Variants in A1CF observed in about 807,000 individuals in gnomAD.
A1CF encodes APOBEC1 complementation factor, also known as APOBEC-1 stimulating protein.
A1CF carries 48 observed loss-of-function variants against 68.9 expected under a neutral mutation model. That is an observed-to-expected ratio of 0.70 (90% CI 0.55 to 0.89). The LOEUF (loss-of-function observed/expected upper bound fraction) is 0.89. A1CF is among the 40% of genes least tolerant of loss of function. The pLI is 0.00. For synonymous variants in A1CF, 272 were observed against 260.4 expected (o/e 1.04, Z -0.43); for missense variants, 653 against 718.9 (o/e 0.91, Z 1.05).
chr10:50,820,723 G>T, intron 7 of A1CF, 74 bp from the exon 8 acceptor site: 1 of 1,223,872 alleles, frequency 8.2e-7, no homozygotes, highest in Non-Finnish European at 1.2e-6. Context: ...TTAGCATCTA[G>T]CTGCAAAGAG....
rs559064998 is a variant in A1CF, at chr10:50,822,105, T to A, written c.770-1456A>T. Among the ~76,000 whole-genome samples, 49 of 152,344 alleles carry A rather than the reference T, an allele frequency of 3.2e-4. No homozygotes were observed. The East Asian group carries it at 8.5e-3, about 26-fold the overall frequency. ...ATTTGCAAAGTTTATTTATATTATT[T>A]GTGTAGAAAACCCAAACAAACCAAC... On this transcript the variant is annotated intron_variant, in intron 7 of 12. Coordinates refer to ENST00000373997, the MANE Select transcript of A1CF (RefSeq NM_014576.4).
intron 1 of A1CF, among the ~76,000 whole-genome samples, chr10:50,876,207 G>C (rs188343173): frequency 1.9e-4 from 29 of 152,330 alleles, no homozygotes; most frequent in African/African-American, 6.3e-4. Context: ...CATATGTGCA[G>C]ACATGAATAC....
chr10:50,857,049 T>G (rs1304840897), intron 3 of A1CF, among the ~76,000 whole-genome samples: 1 of 152,164 alleles, frequency 6.6e-6, no homozygotes, highest in East Asian at 1.9e-4. Context: ...AAAAATTATT[T>G]GAAAGGTTTC....
chr10:50,809,547 C>T (rs1311050064), intron 12 of A1CF, among the ~76,000 whole-genome samples: 1 of 152,060 alleles, frequency 6.6e-6, no homozygotes, highest in Non-Finnish European at 1.5e-5. Flanking sequence ...GAGTGCCTAG[C>T]ACACAGTAAG....
intron 1 of A1CF, among the ~76,000 whole-genome samples, chr10:50,867,441 A>G (rs1841044965): frequency 6.6e-6 from 1 of 152,218 alleles, no homozygotes; most frequent in African/African-American, 2.4e-5. Context: ...TCAGACACAG[A>G]AAAACAAATC....
At chr10:50,875,035 C>T (rs1841444666) in intron 1 of A1CF, among the ~76,000 whole-genome samples, 1 of 152,154 alleles carries the variant, frequency 6.6e-6, no homozygotes, top group African/African-American at 2.4e-5. Context: ...CTAATTTACA[C>T]ACGTGACAGG....
chr10:50,874,336 A>G (rs1039847094), intron 1 of A1CF, among the ~76,000 whole-genome samples: 1 of 152,246 alleles, frequency 6.6e-6, no homozygotes, highest in Non-Finnish European at 1.5e-5. Flanking sequence ...ATAGAAACAC[A>G]TCTTCCTTTT....
intron 12 of A1CF, 86 bp from the exon 13 acceptor site, chr10:50,806,966 C>T (rs1837862469): frequency 8.1e-6 from 11 of 1,358,030 alleles, no homozygotes; most frequent in Non-Finnish European, 1.1e-5. Context: ...GAAATACGAA[C>T]ATTTAACATA....
chr10:50,814,072 T>C, intron 9 of A1CF, 34 bp from the exon 10 acceptor site: 1 of 1,610,898 alleles, frequency 6.2e-7, no homozygotes, highest in Non-Finnish European at 8.5e-7. Flanking sequence ...TCTAGGAACG[T>C]AAGAAGGCAT....
chr10:50,818,061 C>A (rs535756534), intron 8 of A1CF, among the ~76,000 whole-genome samples: 1 of 152,254 alleles, frequency 6.6e-6, no homozygotes, highest in African/African-American at 2.4e-5. Context: ...TTCACCCCAT[C>A]TCCAATCAGT....
intron 3 of A1CF, among the ~76,000 whole-genome samples, chr10:50,847,151 C>G (rs1473384318): frequency 2.6e-5 from 4 of 152,182 alleles, no homozygotes; most frequent in Non-Finnish European, 2.9e-5. Flanking sequence ...TTCTCCCCAG[C>G]AGCACAAATG....
rs1225594066 is a variant in A1CF, at chr10:50,800,825, G to A, written c.*5904C>T. On this transcript the variant is annotated 3_prime_UTR_variant, in exon 13 of 13. Transcript: ENST00000373997. ...ATGTGAGGATTTTTCGTGAAGAATG[G>A]TTGATGAACAATCATAATGATGAAA... is the stretch of plus-strand genomic sequence containing the variant. The A allele has an allele frequency of 6.6e-6, 1 of 152,138 alleles. No individual in the cohort carries two copies. The highest frequency in any genetic ancestry group is 1.5e-5 in the Non-Finnish European group (1 of 68,022). 9.4% of individuals were successfully genotyped at this position (152,138 alleles called of 1,614,324 possible). A position where few individuals can be genotyped will look rare whatever the true frequency, so the allele number is the denominator to read the frequency against.
chr10:50,825,519 T>C (rs748143339), intron 7 of A1CF, among the ~76,000 whole-genome samples: 2 of 152,172 alleles, frequency 1.3e-5, no homozygotes, highest in Non-Finnish European at 2.9e-5. Flanking sequence ...ATCTGGTGTT[T>C]ACAAGCTTAT....
intron 1 of A1CF, among the ~76,000 whole-genome samples, chr10:50,882,880 T>G (rs1402929735): frequency 6.6e-6 from 1 of 152,214 alleles, no homozygotes; most frequent in Non-Finnish European, 1.5e-5. Context: ...CTGAAACAGA[T>G]TTTTAACATC....
chr10:50,854,578 A>G lies in A1CF; in HGVS notation c.99+5264T>C, dbSNP rs1840393615. On this transcript the variant is annotated intron_variant, in intron 3 of 12. Coordinates refer to ENST00000373997, the MANE Select transcript of A1CF (RefSeq NM_014576.4). The stretch of plus-strand genomic sequence containing the variant: ...TTAAGGCTCTATATAGAAAATGCTG[A>G]TCTTTTTGGTACCCACAGCTGTATT... Among the ~76,000 whole-genome samples the G allele has an allele frequency of 2.6e-5, 4 of 152,076 alleles. No homozygotes were observed. The South Asian group carries it at 8.3e-4, about 32-fold the overall frequency.
At chr10:50,873,337 T>C (rs964439627) in intron 1 of A1CF, among the ~76,000 whole-genome samples, 6 of 152,044 alleles carry the variant, frequency 3.9e-5, no homozygotes, top group African/African-American at 1.4e-4. Context: ...GAAGAAGAAA[T>C]TATCTATAGA....
chr10:50,879,815 C>G (rs1841689583), intron 1 of A1CF, among the ~76,000 whole-genome samples: 1 of 152,120 alleles, frequency 6.6e-6, no homozygotes, highest in Non-Finnish European at 1.5e-5. Flanking sequence ...ATGTCTGTGT[C>G]TGCATGTATT....
rs1286366611 is a variant in A1CF at position 50,811,087 on chromosome 10, G to C, written c.1413C>G (p.Phe471Leu). The change falls in exon 11 of 13, where the codon TTC (phenylalanine) becomes TTG (leucine). Residue 471 changes from phenylalanine (F) to leucine (L), a missense_variant. Physicochemically the swap from Phe to Leu is conservative, Grantham distance 22. Coordinates refer to ENST00000373997, the MANE Select transcript of A1CF (RefSeq NM_014576.4). ...SAIGQDQRQL[F>L]LYKITIPALA... is the part of the protein sequence containing the mutation. ...GAGCAGGAATAGTTATTTTGTACAA[G>C]AATAGCTGTCTTTGGTCTTGTCCAA... The C allele has an allele frequency of 6.2e-7, 1 of 1,613,566 alleles. No individual in the cohort carries two copies. The highest frequency in any genetic ancestry group is 8.5e-7 in the Non-Finnish European group (1 of 1,179,780).
intron 9 of A1CF, among the ~76,000 whole-genome samples, 196 bp from the exon 10 acceptor site, chr10:50,814,234 T>C (rs1838262273): frequency 1.3e-5 from 2 of 152,142 alleles, no homozygotes; most frequent in Admixed American, 6.5e-5. Context: ...TTAACATAGG[T>C]GTCTCTCTTT....
Sources: allele counts gnomAD v4.1 joint callset (sites outside exome capture counted in the v4.1 genomes callset), GRCh38; gene constraint gnomAD v4.1.1; transcripts MANE v1.5; gene names NCBI Gene and HGNC (gene_info 2026-07-23, HGNC 2026-07-21).